Variants in XRCC4 observed in about 807,000 individuals in gnomAD.
The protein encoded by XRCC4 is DNA repair protein XRCC4.
In XRCC4, 28 loss-of-function variants were observed where a neutral mutation model predicts 39.1. The observed-to-expected ratio is 0.72, with a 90% CI of 0.53 to 0.98. XRCC4 has a LOEUF of 0.98. Ranked by LOEUF, XRCC4 falls within the 50% of genes least tolerant of loss-of-function variation. The probability of loss-of-function intolerance (pLI) is 0.00; values close to 1 mark genes in which losing one functional copy is unlikely to be tolerated. For missense variants in XRCC4, 350 were observed against 376.4 expected (o/e 0.93, Z 0.58); for synonymous variants, 123 against 126.4 (o/e 0.97, Z 0.18).
At chr5:83,261,786 A>G (rs1478806892) in intron 7 of XRCC4, among the ~76,000 whole-genome samples, 1 of 152,056 alleles carries the variant, frequency 6.6e-6, no homozygotes, top group Non-Finnish European at 1.5e-5. Context: ...AATATGATTT[A>G]GCAATAAAAT....
the XRCC4 span, among the ~76,000 whole-genome samples, chr5:83,372,505 C>T: frequency 3.6e-3 from 544 of 152,236 alleles, 8 homozygotes; most frequent in African/African-American, 0.011. Flanking sequence ...AGGTCTTGGA[C>T]CCCTGGGGGT....
intron 6 of XRCC4, among the ~76,000 whole-genome samples, chr5:83,235,904 T>C (rs1752670773): frequency 6.6e-6 from 1 of 152,102 alleles, no homozygotes; most frequent in Non-Finnish European, 1.5e-5. Context: ...CAAAAATCAG[T>C]AATATATTTA....
chr5:83,120,263 C>T (rs560271048), intron 3 of XRCC4, among the ~76,000 whole-genome samples: 1 of 152,214 alleles, frequency 6.6e-6, no homozygotes, highest in African/African-American at 2.4e-5. Context: ...GTAAGCTAAG[C>T]TAGGATAGAA....
chr5:83,139,659 A>G (rs150376075), intron 3 of XRCC4, among the ~76,000 whole-genome samples: 2 of 152,322 alleles, frequency 1.3e-5, no homozygotes, highest in African/African-American at 2.4e-5. Flanking sequence ...CCTAGATGAC[A>G]TATCACACCT....
intron 7 of XRCC4, among the ~76,000 whole-genome samples, chr5:83,266,639 A>T (rs1753964657): frequency 6.6e-6 from 1 of 152,200 alleles, no homozygotes; most frequent in Non-Finnish European, 1.5e-5. Flanking sequence ...TTTAAACATC[A>T]TTATTCAAAA....
At chr5:83,189,241 A>C (rs1255181854) in intron 3 of XRCC4, among the ~76,000 whole-genome samples, 2 of 152,122 alleles carry the variant, frequency 1.3e-5, no homozygotes, top group African/African-American at 4.8e-5. Flanking sequence ...TGTAAAGCCA[A>C]CTTCTGAGAT....
intron 1 of XRCC4, among the ~76,000 whole-genome samples, chr5:83,084,524 G>C (rs1453834337): frequency 6.6e-6 from 1 of 152,124 alleles, no homozygotes; most frequent in East Asian, 1.9e-4. Flanking sequence ...ATTCCAAACT[G>C]TTCATGAGGC....
chr5:83,223,038 G>A (rs1395768382), intron 6 of XRCC4, among the ~76,000 whole-genome samples: 1 of 152,088 alleles, frequency 6.6e-6, no homozygotes, highest in Non-Finnish European at 1.5e-5. Context: ...GTGAGCCTTC[G>A]TGCCTGGCAG....
intron 6 of XRCC4, among the ~76,000 whole-genome samples, chr5:83,231,098 A>G (rs1323856419): frequency 1.3e-5 from 2 of 152,046 alleles, no homozygotes; most frequent in Non-Finnish European, 2.9e-5. Flanking sequence ...TTTTAGTGGA[A>G]AAGATTTAGA....
chr5:83,325,712 A>G (rs1284214955), intron 7 of XRCC4, among the ~76,000 whole-genome samples: 1 of 152,034 alleles, frequency 6.6e-6, no homozygotes, highest in Non-Finnish European at 1.5e-5. Flanking sequence ...TCTATCATTG[A>G]TGAGCATTTA....
chr5:83,221,100 A>T (rs978116607), intron 6 of XRCC4, among the ~76,000 whole-genome samples: 10 of 152,146 alleles, frequency 6.6e-5, no homozygotes, highest in Non-Finnish European at 1.5e-4. Flanking sequence ...AATGATACTG[A>T]TGATAATGAG....
intron 7 of XRCC4, among the ~76,000 whole-genome samples, chr5:83,344,001 A>G (rs145081296): frequency 1.0e-3 from 155 of 152,236 alleles, no homozygotes; most frequent in African/African-American, 3.6e-3. Context: ...CCAAAGCTAC[A>G]AAATCTAGAA....
chr5:83,298,585 T>C (rs958182498), intron 7 of XRCC4, among the ~76,000 whole-genome samples: 4 of 146,926 alleles, frequency 2.7e-5, no homozygotes, highest in African/African-American at 9.7e-5. Context: ...TTATTCACCC[T>C]TGTTACTTTT....
At chr5:83,281,869 C>G (rs1754552872) in intron 7 of XRCC4, among the ~76,000 whole-genome samples, 1 of 152,164 alleles carries the variant, frequency 6.6e-6, no homozygotes, top group Non-Finnish European at 1.5e-5. Context: ...GGTATTCCCC[C>G]CAAAAAGGGG....
intron 3 of XRCC4, among the ~76,000 whole-genome samples, chr5:83,174,116 A>G (rs1393940938): frequency 6.6e-6 from 1 of 152,190 alleles, no homozygotes; most frequent in Non-Finnish European, 1.5e-5. Context: ...ACCAGGCATC[A>G]TGGTGTCATC....
intron 7 of XRCC4, among the ~76,000 whole-genome samples, chr5:83,293,716 T>C (rs1056483689): frequency 2.0e-5 from 3 of 152,160 alleles, no homozygotes; most frequent in Admixed American, 6.6e-5. Context: ...CTGTATTTCA[T>C]GGCACTTAGC....
At chr5:83,358,981 C>T in the XRCC4 span, among the ~76,000 whole-genome samples, 2 of 151,680 alleles carry the variant, frequency 1.3e-5, no homozygotes, top group Admixed American at 6.6e-5. Context: ...TCCAAGGAAC[C>T]TTTTGAAAGT....
At chr5:83,315,923 T>G (rs900818972) in intron 7 of XRCC4, among the ~76,000 whole-genome samples, 4 of 152,182 alleles carry the variant, frequency 2.6e-5, no homozygotes, top group African/African-American at 4.8e-5. Context: ...GAATTACATT[T>G]TGTAAGGCTA....
At chr5:83,340,808 A>G (rs1487035038) in intron 7 of XRCC4, among the ~76,000 whole-genome samples, 1 of 152,170 alleles carries the variant, frequency 6.6e-6, no homozygotes, top group Non-Finnish European at 1.5e-5. Context: ...AGCCATAGGA[A>G]ACAAAAACAG....
Sources: gnomAD v4.1 joint callset for allele counts (sites outside exome capture counted in the v4.1 genomes callset) on GRCh38, gnomAD v4.1.1 for gene constraint, MANE v1.5 for transcripts, NCBI Gene and HGNC (gene_info 2026-07-23, HGNC 2026-07-21) for gene names.